ITFG1: variants seen among roughly 807,000 people sequenced by gnomAD.
ITFG1 encodes the protein T-cell immunomodulatory protein.
A neutral mutation model predicts 81.8 loss-of-function variants in ITFG1; 34 were observed. The ratio of observed to expected loss-of-function variants is 0.42; its 90% CI spans 0.32 to 0.55. The LOEUF (loss-of-function observed/expected upper bound fraction) is 0.55. Among genes scored for constraint, ITFG1 ranks in the 20% least tolerant of loss-of-function variants. The pLI, the probability that ITFG1 is intolerant of heterozygous loss-of-function variation, is 0.17. For synonymous variants in ITFG1, 285 were observed against 270.6 expected (o/e 1.05, Z -0.52); for missense variants, 672 against 755.4 (o/e 0.89, Z 1.29).
chr16:47,412,168 T>G (rs916094460), intron 6 of ITFG1, among the ~76,000 whole-genome samples: 1 of 151,646 alleles, frequency 6.6e-6, no homozygotes, highest in Non-Finnish European at 1.5e-5. Context: ...CTCAGATGAG[T>G]AAGAATCAGC....
intron 8 of ITFG1, among the ~76,000 whole-genome samples, chr16:47,358,085 T>TTTA (rs1968064112): frequency 6.6e-6 from 1 of 152,156 alleles, no homozygotes; most frequent in Non-Finnish European, 1.5e-5. Flanking sequence ...ATGACCTGGG[T>TTTA]TTATTATTTG....
chr16:47,262,387 T>G (rs972278620), intron 10 of ITFG1, among the ~76,000 whole-genome samples: 2 of 152,228 alleles, frequency 1.3e-5, no homozygotes, highest in Non-Finnish European at 2.9e-5. Context: ...TTTTTCCTGG[T>G]AACTTACCCA....
chr16:47,312,231 G>A (rs1967276618), intron 9 of ITFG1: 1 of 152,144 alleles, frequency 6.6e-6, no homozygotes, highest in African/African-American at 2.4e-5. Context: ...ACAATTTGCT[G>A]CATATGAATG....
chr16:47,317,315 T>C (rs1967375518), intron 8 of ITFG1, among the ~76,000 whole-genome samples: 3 of 152,216 alleles, frequency 2.0e-5, no homozygotes, highest in African/African-American at 4.8e-5. Flanking sequence ...GTTCTTGTCA[T>C]AAAAATGGAT....
At chr16:47,420,563 G>C (rs1347299920) in intron 6 of ITFG1, among the ~76,000 whole-genome samples, 1 of 152,174 alleles carries the variant, frequency 6.6e-6, no homozygotes, top group African/African-American at 2.4e-5. Context: ...GATCCCTTAT[G>C]AATGTCTTGG....
At chr16:47,293,106 G>GATATATATCATATACAAGCATGATATATA (rs757121460) in intron 10 of ITFG1, among the ~76,000 whole-genome samples, 116 of 139,264 alleles carry the variant, frequency 8.3e-4, no homozygotes, top group Non-Finnish European at 1.3e-3. Context: ...ATATACATAT[G>GATATATATCATATACAAGCATGATATATA]ATATATATCA....
At chr16:47,380,023 A>AG (rs1311601904) in intron 6 of ITFG1, among the ~76,000 whole-genome samples, 1 of 150,712 alleles carries the variant, frequency 6.6e-6, no homozygotes, top group Non-Finnish European at 1.5e-5. Context: ...GCTAAATGTG[A>AG]AAGGAAGAGG....
chr16:47,435,246 A>C (rs1969150716), intron 5 of ITFG1, among the ~76,000 whole-genome samples: 1 of 152,232 alleles, frequency 6.6e-6, no homozygotes, highest in South Asian at 2.1e-4. Flanking sequence ...TAAAAAGCAG[A>C]TACCATATTT....
chr16:47,179,138 A>G (rs1298243570), intron 14 of ITFG1, among the ~76,000 whole-genome samples: 2 of 152,168 alleles, frequency 1.3e-5, no homozygotes, highest in Non-Finnish European at 2.9e-5. Context: ...GGGACTGTAA[A>G]CTAGTTCAAC....
intron 14 of ITFG1, among the ~76,000 whole-genome samples, chr16:47,179,210 A>G (rs1215170567): frequency 6.6e-6 from 1 of 152,250 alleles, no homozygotes; most frequent in Non-Finnish European, 1.5e-5. Flanking sequence ...CATTTGACCC[A>G]GCCATCCCAT....
chr16:47,240,188 T>C (rs1965917258), intron 12 of ITFG1, among the ~76,000 whole-genome samples: 1 of 148,004 alleles, frequency 6.8e-6, no homozygotes, highest in Non-Finnish European at 1.5e-5. Context: ...TCTCAGCTAC[T>C]CAGGAGGCTG....
At chr16:47,317,026 C>T (rs1414605952) in intron 8 of ITFG1, among the ~76,000 whole-genome samples, 1 of 152,138 alleles carries the variant, frequency 6.6e-6, no homozygotes, top group Non-Finnish European at 1.5e-5. Context: ...TTCTCAAAAA[C>T]TCAAGAGAAA....
At chr16:47,453,269 G>C (rs953197581) in intron 3 of ITFG1, among the ~76,000 whole-genome samples, 1 of 152,126 alleles carries the variant, frequency 6.6e-6, no homozygotes, top group Non-Finnish European at 1.5e-5. Context: ...CAGAAAACAT[G>C]ACTGAAATTT....
At position 47,349,767 on chromosome 16, in the gene ITFG1, GCACCA is replaced by G. The variant is rs565726640; in HGVS notation, c.802+16016_802+16020del. ...ATCAACAGAATATACATTCTTCTCA[GCACCA>G]CACCACACCTATTCCAAAACTGACC... On this transcript the variant is annotated intron_variant, in intron 8 of 17. Transcript: ENST00000320640. Among the ~76,000 whole-genome samples the G allele has an allele frequency of 1.3e-4, 20 of 152,292 alleles. No homozygotes were observed. In the South Asian group the frequency reaches 4.1e-3, roughly 32 times the overall value.
At chr16:47,321,959 G>A (rs1967454882) in intron 8 of ITFG1, among the ~76,000 whole-genome samples, 1 of 152,086 alleles carries the variant, frequency 6.6e-6, no homozygotes, top group Non-Finnish European at 1.5e-5. Flanking sequence ...CTATGTGGAA[G>A]GGATAAACAA....
intron 10 of ITFG1, among the ~76,000 whole-genome samples, chr16:47,273,068 GGATCATTTAACTTAAA>G (rs1966360512): frequency 6.6e-6 from 1 of 151,144 alleles, no homozygotes; most frequent in African/African-American, 2.4e-5. Flanking sequence ...GGTAGCTTAT[GGATCATTTAACTTAAA>G]GTCTGATTTT....
At chr16:47,340,849 A>C (rs1257668947) in intron 8 of ITFG1, among the ~76,000 whole-genome samples, 1 of 152,242 alleles carries the variant, frequency 6.6e-6, no homozygotes, top group East Asian at 1.9e-4. Context: ...TTATATTCAT[A>C]TAGACAAAAG....
At chr16:47,331,543 T>C (rs1480608162) in intron 8 of ITFG1, among the ~76,000 whole-genome samples, 1 of 152,178 alleles carries the variant, frequency 6.6e-6, no homozygotes, top group Non-Finnish European at 1.5e-5. Context: ...ACAGTGAACG[T>C]TGATAAAAAC....
chr16:47,161,984 G>A (rs1388461413), intron 15 of ITFG1, 152 bp from the exon 16 acceptor site: 4 of 566,568 alleles, frequency 7.1e-6, no homozygotes, highest in Non-Finnish European at 1.3e-5. Flanking sequence ...CCAAAAATAA[G>A]GCTTTTGTGC....
Sources: allele counts gnomAD v4.1 joint callset (sites outside exome capture counted in the v4.1 genomes callset), GRCh38; gene constraint gnomAD v4.1.1; transcripts MANE v1.5; gene names NCBI Gene and HGNC (gene_info 2026-07-23, HGNC 2026-07-21).